Variants in PCYT1B observed in about 807,000 individuals in gnomAD.
The protein encoded by PCYT1B is choline-phosphate cytidylyltransferase B.
PCYT1B carries 10 observed loss-of-function variants against 26.4 expected under a neutral mutation model. The ratio of observed to expected loss-of-function variants is 0.38; its 90% CI spans 0.23 to 0.64. PCYT1B has a LOEUF of 0.64. Ranked by LOEUF, PCYT1B falls within the 30% of genes least tolerant of loss-of-function variation. The pLI, the probability that PCYT1B is intolerant of heterozygous loss-of-function variation, is 0.56. For missense variants in PCYT1B, 161 were observed against 292.7 expected (o/e 0.55, Z 3.28); for synonymous variants, 131 against 108.4 (o/e 1.21, Z -1.29).
intron 6 of PCYT1B, among the ~76,000 whole-genome samples, chrX:24,577,772 A>G (rs755954158): frequency 1.8e-5 from 2 of 111,613 alleles, no homozygotes; most frequent in Non-Finnish European, 3.8e-5. Context: ...TTGAAAATAC[A>G]GCGTCTATTT....
chrX:24,609,455 T>C (rs1021413824), intron 2 of PCYT1B, among the ~76,000 whole-genome samples: 2 of 112,118 alleles, frequency 1.8e-5, no homozygotes, highest in East Asian at 5.6e-4. Context: ...AGGCGTGAGC[T>C]AATAATGTTC....
At chrX:24,587,393 G>A in intron 4 of PCYT1B, 74 bp from the exon 5 acceptor site, 1 of 667,172 alleles carries the variant, frequency 1.5e-6, no homozygotes. Flanking sequence ...GGGGGGAATG[G>A]TGACTTCATA....
At chrX:24,603,977 T>C (rs1925045008) in intron 3 of PCYT1B, among the ~76,000 whole-genome samples, 1 of 111,420 alleles carries the variant, frequency 9.0e-6, no homozygotes, top group Admixed American at 9.6e-5. Flanking sequence ...TGAGCTCTTA[T>C]ACCATGCCCC....
At chrX:24,648,449 ATTTT>A (rs57744798), upstream of PCYT1B, among the ~76,000 whole-genome samples, 7 of 39,722 alleles carry the variant, frequency 1.8e-4, no homozygotes, top group African/African-American at 9.8e-4. Flanking sequence ...ATTTGAAGGA[ATTTT>A]TTTTTTTTTT....
At chrX:24,623,400 A>ATATATATAC (rs1925768231) in intron 1 of PCYT1B, among the ~76,000 whole-genome samples, 1 of 59,031 alleles carries the variant, frequency 1.7e-5, no homozygotes, top group Non-Finnish European at 3.5e-5. Context: ...TATATATATA[A>ATATATATAC]CTTTAAATTC....
At chrX:24,596,591 CA>C (rs1160915316) in intron 3 of PCYT1B, among the ~76,000 whole-genome samples, 1,938 of 53,025 alleles carry the variant, frequency 0.037, 28 homozygotes, top group Middle Eastern at 0.07. Context: ...GACTCCATCT[CA>C]AAAAAAAAAA....
Position 24,590,790 on chromosome X carries a change from CTTT to C in PCYT1B, c.335-619_335-617del, listed in dbSNP as rs1226692293. ...GTAGAGTTCATCCTTTCACATCTCT[CTTT>C]TTTTTTTTTTTTTTTTTTGAGACAG... is the stretch of plus-strand genomic sequence containing the variant. On this transcript the variant is annotated intron_variant, in intron 3 of 7. Coordinates refer to ENST00000379144, the MANE Select transcript of PCYT1B (RefSeq NM_004845.5). 4.3e-3 allele frequency among the ~76,000 whole-genome samples: 324 copies of C among 75,315 alleles called. 2 individuals are homozygous for C. Among genetic ancestry groups the C allele is most frequent in the African/African-American group, 0.015 (302 of 20,100 alleles). 65.4% of individuals were successfully genotyped at this position (75,315 alleles called of 115,157 possible).
At position 24,561,956 on chromosome X, in the gene PCYT1B, T is replaced by C. The variant is rs1923432692; in HGVS notation, c.*337A>G. The C allele has an allele frequency of 6.5e-6, 4 of 611,033 alleles. No individual in the cohort carries two copies. The highest frequency in any genetic ancestry group is 1.1e-5 in the Non-Finnish European group (4 of 377,733). 50.4% of individuals were successfully genotyped at this position (611,033 alleles called of 1,213,427 possible). A position where few individuals can be genotyped will look rare whatever the true frequency, so the allele number is the denominator to read the frequency against. ...ACAGCCGCTGCCACAGGTGGTTTAC[T>C]TGGTGGGGGTGGTGGAAGGACCAAA... On this transcript the variant is annotated 3_prime_UTR_variant, in exon 8 of 8. Transcript: ENST00000379144.
intron 3 of PCYT1B, among the ~76,000 whole-genome samples, chrX:24,600,564 G>A (rs764451642): frequency 1.6e-3 from 177 of 111,051 alleles, no homozygotes; most frequent in Non-Finnish European, 2.7e-3. Context: ...TACTTTTGTG[G>A]GTTTTACCTC....
In PCYT1B at chrX:24,612,652, G is replaced by A. The variant is rs180828368; in HGVS notation, c.218-4791C>T. 2.2e-3 allele frequency among the ~76,000 whole-genome samples: 247 copies of A among 112,325 alleles called. 1 individual carries two copies. The highest frequency in any genetic ancestry group is 7.7e-3 in the African/African-American group (240 of 30,984). Reference sequence around the variant, plus strand: ...TTAATTGGCCATACCAAGTGATGGTGAGAATGCAGAGCAACTGGAATGCTC... The same window carrying A: ...TTAATTGGCCATACCAAGTGATGGTAAGAATGCAGAGCAACTGGAATGCTC... On this transcript the variant is annotated intron_variant, in intron 2 of 7. Transcript: ENST00000379144.
intron 7 of PCYT1B, 22 bp from the exon 8 acceptor site, chrX:24,562,527 G>A: frequency 8.5e-7 from 1 of 1,172,379 alleles, no homozygotes; most frequent in Non-Finnish European, 1.1e-6. Flanking sequence ...TTGGAGAGAA[G>A]GCATCTGTTA....
chrX:24,563,390 G>T (rs1206672722), intron 7 of PCYT1B, among the ~76,000 whole-genome samples: 1 of 111,628 alleles, frequency 9.0e-6, no homozygotes, highest in Non-Finnish European at 1.9e-5. Flanking sequence ...ATGGAAATCA[G>T]AGGGCAGCGC....
At chrX:24,584,820 G>A (rs532409884) in intron 5 of PCYT1B, among the ~76,000 whole-genome samples, 2 of 111,939 alleles carry the variant, frequency 1.8e-5, no homozygotes, top group East Asian at 2.8e-4. Context: ...ACAGGAGGCC[G>A]TGTTCAGCCT....
At chrX:24,576,417 C>T (rs958589772) in intron 6 of PCYT1B, among the ~76,000 whole-genome samples, 3 of 111,562 alleles carry the variant, frequency 2.7e-5, no homozygotes, top group African/African-American at 9.8e-5. Flanking sequence ...GATTCTCATG[C>T]CTCAGCCTCC....
chrX:24,615,436 T>C (rs1925455323), intron 2 of PCYT1B, among the ~76,000 whole-genome samples: 1 of 111,006 alleles, frequency 9.0e-6, no homozygotes, highest in Non-Finnish European at 1.9e-5. Flanking sequence ...TGCTTCTATT[T>C]CCAGAGGAAG....
At chrX:24,614,618 A>G (rs1394790214) in intron 2 of PCYT1B, among the ~76,000 whole-genome samples, 1 of 112,276 alleles carries the variant, frequency 8.9e-6, no homozygotes, top group Non-Finnish European at 1.9e-5. Flanking sequence ...GTCTTTTTTG[A>G]GGGCACGCTC....
chrX:24,624,032 C>T (rs1367503021), intron 1 of PCYT1B, among the ~76,000 whole-genome samples: 5 of 99,205 alleles, frequency 5.0e-5, no homozygotes, highest in African/African-American at 1.5e-4. Context: ...AGTGCAGTGG[C>T]GCAATCTGCT....
At chrX:24,636,940 T>A (rs1166090086) in intron 1 of PCYT1B, among the ~76,000 whole-genome samples, 7 of 111,727 alleles carry the variant, frequency 6.3e-5, no homozygotes, top group African/African-American at 1.3e-4. Flanking sequence ...ACAATTTTTT[T>A]AATCCATTCT....
chrX:24,672,315 C>T (rs1927272207), intron 1 of PCYT1B, among the ~76,000 whole-genome samples: 2 of 111,861 alleles, frequency 1.8e-5, no homozygotes, highest in African/African-American at 6.5e-5. Context: ...TTTTAGTAAG[C>T]AAATTTGTTC....
Sources: gnomAD v4.1 joint callset for allele counts (sites outside exome capture counted in the v4.1 genomes callset) on GRCh38, gnomAD v4.1.1 for gene constraint, MANE v1.5 for transcripts, NCBI Gene and HGNC (gene_info 2026-07-23, HGNC 2026-07-21) for gene names.